Variants in TMEM178B observed in about 807,000 individuals in gnomAD.
TMEM178B encodes the protein transmembrane protein 178B.
Under a neutral mutation model 31.0 loss-of-function variants are expected in TMEM178B, and 5 were observed. The observed-to-expected ratio is 0.16, with a 90% confidence interval of 0.08 to 0.34. The LOEUF is 0.34. Ranked by LOEUF, TMEM178B falls within the 10% of genes least tolerant of loss-of-function variation. The probability of loss-of-function intolerance (pLI) is 1.00; values close to 1 mark genes in which losing one functional copy is unlikely to be tolerated. For missense variants in TMEM178B, 275 were observed against 400.3 expected (o/e 0.69, Z 2.67); for synonymous variants, 164 against 164.0 (o/e 1.00, Z 0.00).
intron 2 of TMEM178B, among the ~76,000 whole-genome samples, chr7:141,359,895 G>A (rs1010663180): frequency 2.0e-5 from 3 of 152,290 alleles, no homozygotes; most frequent in African/African-American, 7.2e-5. Flanking sequence ...CACAAGGCAT[G>A]TCTTACATGG....
At chr7:141,095,505 A>AT (rs1352970470) in intron 1 of TMEM178B, among the ~76,000 whole-genome samples, 2 of 151,958 alleles carry the variant, frequency 1.3e-5, no homozygotes, top group Non-Finnish European at 2.9e-5. Context: ...TTAACTTATG[A>AT]TTTTTCTCTG....
intron 1 of TMEM178B, among the ~76,000 whole-genome samples, chr7:141,086,150 C>G (rs1367257153): frequency 6.6e-6 from 1 of 152,038 alleles, no homozygotes; most frequent in Non-Finnish European, 1.5e-5. Context: ...ATTCTTGTGC[C>G]TCAGCCTGCT....
intron 1 of TMEM178B, among the ~76,000 whole-genome samples, chr7:141,143,397 G>A (rs768841938): frequency 8.5e-5 from 13 of 152,094 alleles, no homozygotes; most frequent in Admixed American, 2.0e-4. Context: ...TTTTGTATAC[G>A]GTGAAAGGTA....
rs962078095 is a variant in TMEM178B at position 141,479,010 on chromosome 7, A to T, written c.*8224A>T. On this transcript the variant is annotated 3_prime_UTR_variant, in exon 4 of 4. Coordinates refer to ENST00000565468, the MANE Select transcript of TMEM178B (RefSeq NM_001195278.2). ...TTCACCTGCTTAGTAAGAGGAGATGACCACTCCTGTGGACTGCATGTCCCA... is the reference window on the plus strand; with the variant it reads ...TTCACCTGCTTAGTAAGAGGAGATGTCCACTCCTGTGGACTGCATGTCCCA... The T allele has an allele frequency of 2.0e-5, 3 of 152,262 alleles. No individual in the cohort carries two copies. In the East Asian group the frequency reaches 5.8e-4, roughly 29 times the overall value. 9.4% of individuals were successfully genotyped at this position (152,262 alleles called of 1,614,324 possible). A position where few individuals can be genotyped will look rare whatever the true frequency, so the allele number is the denominator to read the frequency against.
intron 2 of TMEM178B, among the ~76,000 whole-genome samples, chr7:141,285,056 TAA>T (rs144032381): frequency 2.2e-5 from 3 of 136,320 alleles, no homozygotes; most frequent in Non-Finnish European, 3.2e-5. Context: ...GAAAGCTCTT[TAA>T]AAAAAAAAAA....
intron 2 of TMEM178B, among the ~76,000 whole-genome samples, chr7:141,313,137 G>A (rs1798942778): frequency 6.6e-6 from 1 of 152,178 alleles, no homozygotes; most frequent in Non-Finnish European, 1.5e-5. Flanking sequence ...TATTTGGAGG[G>A]ATTGGAGTCA....
intron 3 of TMEM178B, among the ~76,000 whole-genome samples, chr7:141,447,196 G>A (rs374626854): frequency 6.6e-6 from 1 of 152,206 alleles, no homozygotes; most frequent in Admixed American, 6.5e-5. Flanking sequence ...GCGATGTTAG[G>A]TGATAAGAAC....
chr7:141,170,445 A>T (rs1317112698), intron 1 of TMEM178B, among the ~76,000 whole-genome samples: 4 of 152,074 alleles, frequency 2.6e-5, no homozygotes, highest in Non-Finnish European at 5.9e-5. Flanking sequence ...CGGCCATGAG[A>T]TCATGGGTAA....
chr7:141,127,328 A>G lies in TMEM178B; in HGVS notation c.382+52636A>G, dbSNP rs533721919. On this transcript the variant is annotated intron_variant, in intron 1 of 3. Transcript: ENST00000565468. Reference sequence around the variant, plus strand: ...GCTGAATGTCTAAAAAGTTATGTTCATGTCCTAACCCCTAGAACCTGTGAA... The same window carrying G: ...GCTGAATGTCTAAAAAGTTATGTTCGTGTCCTAACCCCTAGAACCTGTGAA... 1.7e-4 allele frequency among the ~76,000 whole-genome samples: 26 copies of G among 152,320 alleles called. No homozygotes were observed. In the South Asian group the frequency reaches 4.8e-3, roughly 28 times the overall value.
intron 1 of TMEM178B, among the ~76,000 whole-genome samples, chr7:141,202,513 A>G (rs1352244439): frequency 6.6e-6 from 1 of 152,238 alleles, no homozygotes; most frequent in African/African-American, 2.4e-5. Flanking sequence ...AATGCATACA[A>G]AACAACATTA....
At chr7:141,156,211 C>A (rs1299723566) in intron 1 of TMEM178B, among the ~76,000 whole-genome samples, 1 of 152,190 alleles carries the variant, frequency 6.6e-6, no homozygotes, top group East Asian at 1.9e-4. Flanking sequence ...AGCTCTGTAA[C>A]TGGGGGAAGA....
At chr7:141,221,672 A>G (rs1024300182) in intron 2 of TMEM178B, among the ~76,000 whole-genome samples, 3 of 152,234 alleles carry the variant, frequency 2.0e-5, no homozygotes, top group Admixed American at 6.5e-5. Context: ...GGAGGCTGTT[A>G]TAGTCAGAGC....
At chr7:141,269,089 T>G (rs1798138978) in intron 2 of TMEM178B, among the ~76,000 whole-genome samples, 1 of 122,178 alleles carries the variant, frequency 8.2e-6, no homozygotes, top group Non-Finnish European at 1.7e-5. Context: ...GTTTCCTAAT[T>G]TTTTTTCTTT....
At chr7:141,225,793 A>G (rs918109519) in intron 2 of TMEM178B, among the ~76,000 whole-genome samples, 3 of 152,102 alleles carry the variant, frequency 2.0e-5, no homozygotes, top group Non-Finnish European at 4.4e-5. Context: ...AGCCCCTGAT[A>G]CAAGATCGAT....
At chr7:141,338,986 T>C (rs1799471064) in intron 2 of TMEM178B, among the ~76,000 whole-genome samples, 1 of 152,168 alleles carries the variant, frequency 6.6e-6, no homozygotes, top group Non-Finnish European at 1.5e-5. Flanking sequence ...TTCAGAAATA[T>C]GTGGGGACTT....
At chr7:141,161,266 G>A (rs1796167436) in intron 1 of TMEM178B, among the ~76,000 whole-genome samples, 1 of 152,196 alleles carries the variant, frequency 6.6e-6, no homozygotes, top group Non-Finnish European at 1.5e-5. Context: ...GGATGAGAGT[G>A]GCCAGGGCTA....
intron 2 of TMEM178B, among the ~76,000 whole-genome samples, chr7:141,328,778 C>G (rs1408701388): frequency 2.0e-5 from 3 of 152,278 alleles, no homozygotes; most frequent in Non-Finnish European, 2.9e-5. Flanking sequence ...CTTTCATTTT[C>G]TTTTCCTATA....
At chr7:141,285,152 T>TG (rs1798426755) in intron 2 of TMEM178B, among the ~76,000 whole-genome samples, 1 of 97,630 alleles carries the variant, frequency 1.0e-5, no homozygotes, top group African/African-American at 4.4e-5. Flanking sequence ...GGATTCTTGT[T>TG]TCTTTTTTTT....
intron 2 of TMEM178B, among the ~76,000 whole-genome samples, chr7:141,392,970 A>AC (rs767643407): frequency 6.6e-6 from 1 of 152,012 alleles, no homozygotes; most frequent in African/African-American, 2.4e-5. Context: ...TTACCAAGCA[A>AC]CCACAGGTTC....
Sources: allele counts gnomAD v4.1 joint callset (sites outside exome capture counted in the v4.1 genomes callset), GRCh38; gene constraint gnomAD v4.1.1; transcripts MANE v1.5; gene names NCBI Gene and HGNC (gene_info 2026-07-23, HGNC 2026-07-21).